Variants in SH3RF2 observed in about 807,000 individuals in gnomAD.
SH3RF2 encodes the protein E3 ubiquitin-protein ligase SH3RF2.
A neutral mutation model predicts 59.0 loss-of-function variants in SH3RF2; 43 were observed. That is an observed-to-expected ratio of 0.73 (90% CI 0.57 to 0.94). The LOEUF is 0.94. Ranked by LOEUF, SH3RF2 falls within the 40% of genes least tolerant of loss-of-function variation. The probability of loss-of-function intolerance (pLI) is 0.00; values close to 1 mark genes in which losing one functional copy is unlikely to be tolerated. For missense variants in SH3RF2, 930 were observed against 940.1 expected, an observed-to-expected ratio of 0.99 and a Z score of 0.14; for synonymous variants, 391 against 391.5, an observed-to-expected ratio of 1.00 and a Z score of 0.01.
chr5:146,046,095 G>A (rs1762294015), intron 5 of SH3RF2, among the ~76,000 whole-genome samples: 1 of 152,200 alleles, frequency 6.6e-6, no homozygotes, highest in Admixed American at 6.5e-5. Context: ...GTAGACACAT[G>A]TACAAAATTA....
intron 2 of SH3RF2, among the ~76,000 whole-genome samples, chr5:145,945,670 AG>A (rs1757981715): frequency 6.6e-6 from 1 of 152,130 alleles, no homozygotes; most frequent in Admixed American, 6.5e-5. Context: ...AAGCTGAAAG[AG>A]AAGGGAAGGA....
downstream of SH3RF2, among the ~76,000 whole-genome samples, chr5:146,065,447 C>G (rs1763080821): frequency 6.6e-6 from 1 of 152,212 alleles, no homozygotes; most frequent in Non-Finnish European, 1.5e-5. Flanking sequence ...GACTGGCCGA[C>G]CAAATATTTA....
chr5:146,050,058 A>G (rs974014879), intron 7 of SH3RF2: 1 of 152,222 alleles, frequency 6.6e-6, no homozygotes, highest in African/African-American at 2.4e-5. Flanking sequence ...GGTCAGACCT[A>G]GTCATATGCC....
chr5:145,948,031 C>T (rs1393967547), intron 2 of SH3RF2, among the ~76,000 whole-genome samples: 2 of 152,064 alleles, frequency 1.3e-5, no homozygotes, highest in African/African-American at 4.8e-5. Flanking sequence ...ACATGTGTTA[C>T]GAGAGCACAG....
At chr5:145,952,783 A>G (rs1181351943) in intron 2 of SH3RF2, among the ~76,000 whole-genome samples, 1 of 152,174 alleles carries the variant, frequency 6.6e-6, no homozygotes, top group African/African-American at 2.4e-5. Context: ...ATGGCATCAT[A>G]TAGGGAAGAG....
chr5:146,000,681 A>G (rs947148485), intron 3 of SH3RF2, among the ~76,000 whole-genome samples: 2 of 152,250 alleles, frequency 1.3e-5, no homozygotes, highest in African/African-American at 4.8e-5. Flanking sequence ...TTGAAAATAC[A>G]GATAAGCAAA....
At chr5:146,002,584 CA>C (rs994475706) in intron 3 of SH3RF2, among the ~76,000 whole-genome samples, 5 of 151,950 alleles carry the variant, frequency 3.3e-5, no homozygotes, top group African/African-American at 7.3e-5. Flanking sequence ...CAGGGGCCCC[CA>C]ACCCCAGGAC....
chr5:146,057,933 T>C (rs1353854707), intron 8 of SH3RF2, among the ~76,000 whole-genome samples: 1 of 99,534 alleles, frequency 1.0e-5, no homozygotes, highest in East Asian at 3.3e-4. Flanking sequence ...TTAGTGTCTC[T>C]CTCTCTCTCT....
At chr5:145,954,209 G>A (rs757265327) in intron 2 of SH3RF2, among the ~76,000 whole-genome samples, 17 of 152,230 alleles carry the variant, frequency 1.1e-4, no homozygotes, top group Non-Finnish European at 1.2e-4. Flanking sequence ...CCGCAACCTC[G>A]CAAGCATCTG....
chr5:146,014,606 T>C (rs1761036614), intron 5 of SH3RF2, among the ~76,000 whole-genome samples: 2 of 152,186 alleles, frequency 1.3e-5, no homozygotes, highest in Non-Finnish European at 2.9e-5. Context: ...TGCTCAAAAA[T>C]GATCAAGAAT....
In SH3RF2 at chr5:146,047,429, G is replaced by T. The variant is rs1256013211; in HGVS notation, c.1060-343G>T. On this transcript the variant is annotated intron_variant, in intron 5 of 9. Coordinates refer to ENST00000359120, the MANE Select transcript of SH3RF2 (RefSeq NM_152550.4). ...CCACCATTTCATTTTCCAAGAGCAG[G>T]TTTTCATAGAGGGAGATGGGTGGGG... Among the ~76,000 whole-genome samples the T allele has an allele frequency of 1.4e-4, 22 of 152,068 alleles. 1 individual carries two copies. The highest frequency in any genetic ancestry group is 1.4e-3 in the Admixed American group (21 of 15,268).
intron 2 of SH3RF2, 97 bp from the exon 3 acceptor site, chr5:145,999,961 T>C: frequency 3.4e-6 from 5 of 1,452,124 alleles, no homozygotes; most frequent in Non-Finnish European, 4.6e-6. Flanking sequence ...TTGCAAAGCA[T>C]GTTAAAGCAA....
intron 5 of SH3RF2, among the ~76,000 whole-genome samples, chr5:146,036,251 T>C (rs1306190246): frequency 1.3e-5 from 2 of 152,006 alleles, no homozygotes; most frequent in African/African-American, 4.8e-5. Flanking sequence ...CAGGAAAGCA[T>C]GAGGTAGAAA....
intron 2 of SH3RF2, among the ~76,000 whole-genome samples, chr5:145,991,885 T>C (rs1189821441): frequency 6.6e-6 from 1 of 152,180 alleles, no homozygotes; most frequent in African/African-American, 2.4e-5. Context: ...CTCCATTCAT[T>C]GCCCCCATTT....
At chr5:146,020,826 C>A (rs1761292228) in intron 5 of SH3RF2, among the ~76,000 whole-genome samples, 2 of 152,094 alleles carry the variant, frequency 1.3e-5, no homozygotes, top group South Asian at 2.1e-4. Flanking sequence ...TCACTTAAGT[C>A]AGTGTAAGGA....
chr5:145,959,767 C>A (rs577102244), intron 2 of SH3RF2, among the ~76,000 whole-genome samples: 1 of 151,992 alleles, frequency 6.6e-6, no homozygotes, highest in African/African-American at 2.4e-5. Flanking sequence ...GGCCACCTTG[C>A]AGGAACAATG....
intron 5 of SH3RF2, among the ~76,000 whole-genome samples, chr5:146,020,198 T>C (rs1171419442): frequency 6.6e-6 from 1 of 152,202 alleles, no homozygotes; most frequent in Non-Finnish European, 1.5e-5. Flanking sequence ...GGCAGACCTG[T>C]GCTCCCTTCC....
chr5:145,953,887 T>A (rs1348163276), intron 2 of SH3RF2, among the ~76,000 whole-genome samples: 1 of 152,298 alleles, frequency 6.6e-6, no homozygotes, highest in Admixed American at 6.5e-5. Flanking sequence ...AAAGACACGA[T>A]CTCATTCTTT....
intron 2 of SH3RF2, among the ~76,000 whole-genome samples, chr5:145,978,826 TG>T (rs906976071): frequency 1.3e-5 from 2 of 152,218 alleles, no homozygotes; most frequent in African/African-American, 4.8e-5. Flanking sequence ...GGCAGGTTTC[TG>T]CCAGGTTTTA....
Sources: allele counts gnomAD v4.1 joint callset (sites outside exome capture counted in the v4.1 genomes callset), GRCh38; gene constraint gnomAD v4.1.1; transcripts MANE v1.5; gene names NCBI Gene and HGNC (gene_info 2026-07-23, HGNC 2026-07-21).